GFRA2: variants seen among roughly 807,000 people sequenced by gnomAD.
GFRA2 encodes GDNF family receptor alpha-2.
Under a neutral mutation model 48.3 loss-of-function variants are expected in GFRA2, and 17 were observed. The ratio of observed to expected loss-of-function variants is 0.35; its 90% confidence interval spans 0.24 to 0.53. The LOEUF (loss-of-function observed/expected upper bound fraction) is 0.53, where lower values mean the gene tolerates loss of function less well. GFRA2 is among the 20% of genes least tolerant of loss of function. The pLI is 0.93. For missense variants in GFRA2, 660 were observed against 637.3 expected, an observed-to-expected ratio of 1.04 and a Z score of -0.38; for synonymous variants, 305 against 257.2, an observed-to-expected ratio of 1.19 and a Z score of -1.78.
intron 1 of GFRA2, among the ~76,000 whole-genome samples, chr8:21,783,620 AC>A (rs368441572): frequency 1.1e-4 from 16 of 150,468 alleles, no homozygotes; most frequent in Admixed American, 2.0e-4. Context: ...AGGAGGAGCT[AC>A]CCCTTTCCCC....
At chr8:21,775,169 A>G in intron 2 of GFRA2, 114 bp from the exon 3 acceptor site, 2 of 670,034 alleles carry the variant, frequency 3.0e-6, no homozygotes, top group Non-Finnish European at 5.5e-6. Context: ...TGCCACCCAA[A>G]GGATAAGAGA....
intron 1 of GFRA2, among the ~76,000 whole-genome samples, chr8:21,811,986 T>C (rs1585357957): frequency 6.6e-6 from 1 of 152,182 alleles, no homozygotes; most frequent in African/African-American, 2.4e-5. Context: ...AAATCAAGAT[T>C]GGCAACTCTT....
At chr8:21,785,071 C>G (rs1807202892) in intron 1 of GFRA2, among the ~76,000 whole-genome samples, 1 of 152,220 alleles carries the variant, frequency 6.6e-6, no homozygotes, top group Non-Finnish European at 1.5e-5. Context: ...GAACTGAAGG[C>G]TGCACTGTCA....
chr8:21,736,264 G>A (rs986986120), intron 4 of GFRA2, among the ~76,000 whole-genome samples: 18 of 152,080 alleles, frequency 1.2e-4, no homozygotes, highest in Admixed American at 5.2e-4. Context: ...GGAAAAAACA[G>A]ACTCTCATAA....
At chr8:21,699,765 G>C (rs998829159) in intron 7 of GFRA2, among the ~76,000 whole-genome samples, 1 of 152,236 alleles carries the variant, frequency 6.6e-6, no homozygotes. Flanking sequence ...GAAACACACA[G>C]AGCCCATCCT....
Position 21,802,186 on chromosome 8 carries a change from T to TTCTAGCTGC in GFRA2, c.-36+2822_-36+2830dup, listed in dbSNP as rs1807784279. On this transcript the variant is annotated intron_variant, in intron 2 of 10. Transcript: ENST00000517328. ...GGGGCTCACCCCTGATTCTGCCACT[T>TTCTAGCTGC]TCTAGCTGCCTGGCTTTGGGAAAGT... Among the ~76,000 whole-genome samples the TTCTAGCTGC allele has an allele frequency of 3.3e-5, 5 of 152,340 alleles. 1 individual carries two copies. Among genetic ancestry groups the TTCTAGCTGC allele is most frequent in the Admixed American group, 3.3e-4 (5 of 15,308 alleles).
intron 4 of GFRA2, among the ~76,000 whole-genome samples, chr8:21,708,235 T>A (rs1006449098): frequency 2.0e-5 from 3 of 152,252 alleles, no homozygotes; most frequent in Non-Finnish European, 4.4e-5. Flanking sequence ...CTTCTGCCCA[T>A]AAATGCACCC....
At chr8:21,752,334 G>T (rs1398603044) in intron 3 of GFRA2, among the ~76,000 whole-genome samples, 2 of 151,972 alleles carry the variant, frequency 1.3e-5, no homozygotes, top group African/African-American at 4.8e-5. Context: ...CCTGGTGTTT[G>T]GCCCCACCTG....
chr8:21,797,677 T>C (rs1807702174), intron 2 of GFRA2: 3 of 152,132 alleles, frequency 2.0e-5, no homozygotes, highest in Admixed American at 6.5e-5. Flanking sequence ...TCCATCTTTG[T>C]CTACTACAGG....
At chr8:21,725,346 G>C (rs1803813189) in intron 4 of GFRA2, among the ~76,000 whole-genome samples, 1 of 152,206 alleles carries the variant, frequency 6.6e-6, no homozygotes, top group African/African-American at 2.4e-5. Context: ...GGCCTCGGTG[G>C]CTTCAAGAGG....
chr8:21,785,380 G>GA (rs1807221308), intron 1 of GFRA2, among the ~76,000 whole-genome samples: 1 of 152,178 alleles, frequency 6.6e-6, no homozygotes, highest in African/African-American at 2.4e-5. Flanking sequence ...GACTCTTCTA[G>GA]TTCATTCCAT....
intron 1 of GFRA2, among the ~76,000 whole-genome samples, chr8:21,811,273 G>A (rs749931684): frequency 2.0e-5 from 3 of 152,138 alleles, no homozygotes; most frequent in African/African-American, 4.8e-5. Context: ...TCCTCACAGC[G>A]GGTCTTTGCA....
At chr8:21,804,623 C>T (rs1479085049) in intron 2 of GFRA2, among the ~76,000 whole-genome samples, 2 of 152,102 alleles carry the variant, frequency 1.3e-5, no homozygotes, top group Non-Finnish European at 2.9e-5. Context: ...TTCTTCTGTC[C>T]CCACGCTCTG....
intron 4 of GFRA2, among the ~76,000 whole-genome samples, chr8:21,730,047 G>C (rs1035888820): frequency 1.3e-5 from 2 of 151,446 alleles, no homozygotes; most frequent in African/African-American, 4.9e-5. Flanking sequence ...CTTGGTGGGA[G>C]GGGGGGCCTC....
At chr8:21,732,788 A>G (rs566801041) in intron 4 of GFRA2, among the ~76,000 whole-genome samples, 1 of 152,236 alleles carries the variant, frequency 6.6e-6, no homozygotes. Flanking sequence ...CTAAATCCAC[A>G]CACTTAACCA....
intron 3 of GFRA2, among the ~76,000 whole-genome samples, chr8:21,751,341 C>G (rs932078978): frequency 1.3e-5 from 2 of 152,228 alleles, no homozygotes; most frequent in Non-Finnish European, 2.9e-5. Flanking sequence ...CACCCACCAG[C>G]AGGACACTGG....
At chr8:21,766,920 TACAC>T (rs369473201) in intron 3 of GFRA2, among the ~76,000 whole-genome samples, 27,552 of 95,784 alleles carry the variant, frequency 0.29, 2,878 homozygotes, top group Middle Eastern at 0.4. Flanking sequence ...AACACATACC[TACAC>T]ACACAAACAC....
chr8:21,772,758 T>C (rs1806497040), intron 3 of GFRA2, among the ~76,000 whole-genome samples: 1 of 152,208 alleles, frequency 6.6e-6, no homozygotes, highest in Non-Finnish European at 1.5e-5. Flanking sequence ...AACTTCCTCA[T>C]TTGTCTTGTC....
intron 2 of GFRA2, among the ~76,000 whole-genome samples, 161 bp downstream of exon 2, chr8:21,782,424 C>T (rs1265290843): frequency 6.6e-6 from 1 of 151,884 alleles, no homozygotes; most frequent in Non-Finnish European, 1.5e-5. Context: ...CTAGGTGGGG[C>T]GGCGACTTCT....
Sources: allele counts gnomAD v4.1 joint callset (sites outside exome capture counted in the v4.1 genomes callset), GRCh38; gene constraint gnomAD v4.1.1; transcripts MANE v1.5; gene names NCBI Gene and HGNC (gene_info 2026-07-23, HGNC 2026-07-21).